ST6GALNAC5: variants seen among roughly 807,000 people sequenced by gnomAD.
ST6GALNAC5 encodes the protein ST6 N-acetylgalactosaminide alpha-2,6-sialyltransferase 5, also known as alpha-N-acetylgalactosaminide alpha-2,6-sialyltransferase 5.
A neutral mutation model predicts 33.6 loss-of-function variants in ST6GALNAC5; 27 were observed. The ratio of observed to expected loss-of-function variants is 0.80; its 90% CI spans 0.59 to 1.11. ST6GALNAC5 has a LOEUF of 1.11. Among genes scored for constraint, ST6GALNAC5 ranks in the 50% least tolerant of loss-of-function variants. The probability of loss-of-function intolerance (pLI) is 0.00; values close to 1 mark genes in which losing one functional copy is unlikely to be tolerated. For synonymous variants in ST6GALNAC5, 194 were observed against 171.2 expected (o/e 1.13, Z -1.04); for missense variants, 428 against 454.0 (o/e 0.94, Z 0.52).
At chr1:76,962,529 A>G (rs187228091) in intron 2 of ST6GALNAC5, among the ~76,000 whole-genome samples, 23 of 152,344 alleles carry the variant, frequency 1.5e-4, no homozygotes, top group Middle Eastern at 3.4e-3. Context: ...GAAAATTCCA[A>G]GTAAATTTAT....
chr1:76,966,854 T>A (rs1276566714), intron 2 of ST6GALNAC5, among the ~76,000 whole-genome samples: 1 of 152,214 alleles, frequency 6.6e-6, no homozygotes, highest in Non-Finnish European at 1.5e-5. Context: ...ATTGAGACAA[T>A]CATGTGGTTT....
chr1:76,998,888 G>T (rs1212216174), intron 2 of ST6GALNAC5, among the ~76,000 whole-genome samples: 1 of 152,090 alleles, frequency 6.6e-6, no homozygotes, highest in Admixed American at 6.5e-5. Context: ...GTAAATAACA[G>T]CCAGCCTGTT....
Position 77,063,434 on chromosome 1 carries a change from C to CCTTA in ST6GALNAC5, c.*229_*232dup. 1.9e-6 allele frequency: 1 copy of CCTTA among 533,740 alleles called. No homozygotes were observed. The highest frequency in any genetic ancestry group is 3.4e-6 in the Non-Finnish European group (1 of 296,996). The allele number at this position is 533,740 out of a possible 1,614,324, so 33.1% of individuals were successfully genotyped here. Reference sequence around the variant, plus strand: ...AATGTTGTCCCCTTCAATGGTGTTACCTTAGGAGCTGAACATTCAATTCAG... The same window carrying CCTTA: ...AATGTTGTCCCCTTCAATGGTGTTACCTTACTTAGGAGCTGAACATTCAATTCAG... On this transcript the variant is annotated 3_prime_UTR_variant, in exon 5 of 5. Coordinates refer to ENST00000477717, the MANE Select transcript of ST6GALNAC5 (RefSeq NM_030965.3).
In ST6GALNAC5 at chr1:76,976,132, A is replaced by C. The variant is rs146340188; in HGVS notation, c.262-68072A>C. 3.2e-3 allele frequency among the ~76,000 whole-genome samples: 490 copies of C among 152,070 alleles called. 2 individuals carry two copies. Among genetic ancestry groups the C allele is most frequent in the Non-Finnish European group, 5.7e-3 (390 of 67,998 alleles). On this transcript the variant is annotated intron_variant, in intron 2 of 4. Transcript: ENST00000477717. ...ATTAAAATAAAAAAATTAAAGAAGA[A>C]AGACAGAGACAGAGACAGAAAGTGA...
intron 2 of ST6GALNAC5, among the ~76,000 whole-genome samples, chr1:77,005,388 C>T (rs1169610962): frequency 6.6e-6 from 1 of 152,208 alleles, no homozygotes; most frequent in Admixed American, 6.5e-5. Flanking sequence ...CACCCACTGT[C>T]TGGCACTCCC....
intron 3 of ST6GALNAC5, among the ~76,000 whole-genome samples, chr1:77,048,345 C>G (rs1429410962): frequency 6.6e-6 from 1 of 152,218 alleles, no homozygotes; most frequent in East Asian, 1.9e-4. Context: ...CTGTCATCCT[C>G]TTCCTGGGTT....
intron 2 of ST6GALNAC5, among the ~76,000 whole-genome samples, chr1:77,025,075 G>A (rs2100441231): frequency 6.6e-6 from 1 of 152,278 alleles, no homozygotes; most frequent in South Asian, 2.1e-4. Context: ...TGGAAAGCCT[G>A]ATCGATTCTG....
chr1:76,999,077 A>G (rs537040024), intron 2 of ST6GALNAC5, among the ~76,000 whole-genome samples: 30 of 152,274 alleles, frequency 2.0e-4, no homozygotes, highest in Admixed American at 1.8e-3. Context: ...TAGGAAAATA[A>G]AAAGGTTAAA....
In ST6GALNAC5 at chr1:77,004,730, G is replaced by A. The variant is rs941703048; in HGVS notation, c.262-39474G>A. On this transcript the variant is annotated intron_variant, in intron 2 of 4. Transcript: ENST00000477717. ...TAACAGACAGGACCCTCAGCTGCAG[G>A]TCTGTTGGAATACCCTGCCGTGTGA... 1.2e-4 allele frequency among the ~76,000 whole-genome samples: 15 copies of A among 121,938 alleles called. 1 individual carries two copies. Among genetic ancestry groups the A allele is most frequent in the Non-Finnish European group, 2.7e-4 (14 of 51,852 alleles). The allele number at this position is 121,938 out of a possible 152,430, so 80.0% of individuals were successfully genotyped here.
intron 2 of ST6GALNAC5, among the ~76,000 whole-genome samples, chr1:76,888,431 A>G (rs1653944448): frequency 6.6e-6 from 1 of 152,158 alleles, no homozygotes; most frequent in Non-Finnish European, 1.5e-5. Flanking sequence ...AGTACTCTGT[A>G]TGTCCTATAT....
At chr1:76,932,135 G>A (rs1490427672) in intron 2 of ST6GALNAC5, among the ~76,000 whole-genome samples, 1 of 152,106 alleles carries the variant, frequency 6.6e-6, no homozygotes, top group African/African-American at 2.4e-5. Flanking sequence ...AATAACTAAA[G>A]GGAGACATTG....
Position 77,067,006 on chromosome 1 carries a change from C to T in ST6GALNAC5, c.*3800C>T, listed in dbSNP as rs1445621228. ...TACCATACAAGGTACTTCAGAAGTACCATTATGGTTTGCCCAGGGCCAAGT... is the reference window on the plus strand; with the variant it reads ...TACCATACAAGGTACTTCAGAAGTATCATTATGGTTTGCCCAGGGCCAAGT... On this transcript the variant is annotated 3_prime_UTR_variant, in exon 5 of 5. Transcript: ENST00000477717. Among the ~76,000 whole-genome samples the T allele has an allele frequency of 2.0e-5, 3 of 152,136 alleles. No individual in the cohort carries two copies. The highest frequency in any genetic ancestry group is 7.2e-5 in the African/African-American group (3 of 41,426).
chr1:76,961,188 C>T (rs976903651), intron 2 of ST6GALNAC5, among the ~76,000 whole-genome samples: 2 of 152,184 alleles, frequency 1.3e-5, no homozygotes. Context: ...TCCCTCCATT[C>T]GGGGTTCCTG....
At chr1:77,046,056 T>C (rs1651996194) in intron 3 of ST6GALNAC5, among the ~76,000 whole-genome samples, 1 of 152,198 alleles carries the variant, frequency 6.6e-6, no homozygotes, top group Non-Finnish European at 1.5e-5. Context: ...ACCTGTACTT[T>C]CATACGTTTG....
In ST6GALNAC5 at chr1:77,032,522, G is replaced by A. The variant is rs1354907730; in HGVS notation, c.262-11682G>A. Among the ~76,000 whole-genome samples the A allele has an allele frequency of 1.4e-4, 22 of 152,308 alleles. No homozygotes were observed. In the East Asian group the frequency reaches 4.2e-3, roughly 29 times the overall value. On this transcript the variant is annotated intron_variant, in intron 2 of 4. Coordinates refer to ENST00000477717, the MANE Select transcript of ST6GALNAC5 (RefSeq NM_030965.3). ...GGCTGGATATGAGGGGAGAGGCACT[G>A]ACAGGTTATTCTACATGGCTCTCTT...
intron 2 of ST6GALNAC5, among the ~76,000 whole-genome samples, chr1:76,899,895 C>T (rs1646800009): frequency 6.6e-6 from 1 of 152,190 alleles, no homozygotes; most frequent in African/African-American, 2.4e-5. Context: ...GTAGGTGGAT[C>T]TTTCTCATGG....
intron 2 of ST6GALNAC5, among the ~76,000 whole-genome samples, chr1:76,964,473 C>T (rs894999726): frequency 1.3e-5 from 2 of 152,070 alleles, no homozygotes; most frequent in East Asian, 1.9e-4. Flanking sequence ...TCATGGGCCC[C>T]GAAGTTCCCC....
chr1:76,913,840 C>T (rs1232121583), intron 2 of ST6GALNAC5, among the ~76,000 whole-genome samples: 1 of 152,102 alleles, frequency 6.6e-6, no homozygotes, highest in Non-Finnish European at 1.5e-5. Context: ...AAGTTCTGGC[C>T]AGGGCAATTA....
rs1234246810 is a variant in ST6GALNAC5 at position 76,975,434 on chromosome 1, T to A, written c.262-68770T>A. ...AGTAAACTGCACTTGGTGAGAGTGA[T>A]ATTTTTAATTCAGCAGGGTGAGAAT... On this transcript the variant is annotated intron_variant, in intron 2 of 4. Transcript: ENST00000477717. Among the ~76,000 whole-genome samples, 5 of 152,352 alleles carry A rather than the reference T, an allele frequency of 3.3e-5. No homozygotes were observed. The East Asian group carries it at 7.7e-4, about 23-fold the overall frequency.
Sources: allele counts gnomAD v4.1 joint callset (sites outside exome capture counted in the v4.1 genomes callset), GRCh38; gene constraint gnomAD v4.1.1; transcripts MANE v1.5; gene names NCBI Gene and HGNC (gene_info 2026-07-23, HGNC 2026-07-21).